The following TSHR variants were observed in gnomAD, a reference collection of about 807,000 sequenced individuals.
The protein encoded by TSHR is thyrotropin receptor.
TSHR carries 51 observed loss-of-function variants against 64.1 expected under a neutral mutation model. The ratio of observed to expected loss-of-function variants is 0.80; its 90% CI spans 0.64 to 1.01. The LOEUF is 1.01. Among genes scored for constraint, TSHR ranks in the 50% least tolerant of loss-of-function variants. TSHR has a pLI of 0.00. For missense variants in TSHR, 877 were observed against 942.8 expected, an observed-to-expected ratio of 0.93 and a Z score of 0.91; for synonymous variants, 361 against 361.9, an observed-to-expected ratio of 1.00 and a Z score of 0.03.
intron 8 of TSHR, among the ~76,000 whole-genome samples, chr14:81,134,376 T>TCCACC (rs1566831105): frequency 6.6e-6 from 1 of 152,088 alleles, no homozygotes; most frequent in South Asian, 2.1e-4. Flanking sequence ...CCTCAGGTGA[T>TCCACC]CCACCCGCCT....
intron 1 of TSHR, chr14:81,052,141 T>A: frequency 6.6e-6 from 1 of 152,188 alleles, no homozygotes; most frequent in East Asian, 1.9e-4. Flanking sequence ...TCAAGGAGCT[T>A]TTCTCCTAGT....
intron 3 of TSHR, among the ~76,000 whole-genome samples, chr14:81,083,856 C>A (rs1477993285): frequency 6.6e-6 from 1 of 152,124 alleles, no homozygotes; most frequent in African/African-American, 2.4e-5. Flanking sequence ...GAAGGGGAAG[C>A]AAACAGGTTC....
intron 1 of TSHR, among the ~76,000 whole-genome samples, chr14:80,964,806 A>G (rs1255429760): frequency 6.6e-6 from 1 of 152,254 alleles, no homozygotes; most frequent in East Asian, 1.9e-4. Flanking sequence ...GACATATTTT[A>G]ACAATAAATG....
intron 1 of TSHR, among the ~76,000 whole-genome samples, chr14:80,965,318 T>A (rs1419774203): frequency 2.0e-5 from 3 of 152,236 alleles, no homozygotes; most frequent in Non-Finnish European, 4.4e-5. Flanking sequence ...TCATAGAGCC[T>A]CCAGTGGTAT....
intron 8 of TSHR, among the ~76,000 whole-genome samples, chr14:81,127,393 G>A (rs1891059437): frequency 6.6e-6 from 1 of 152,152 alleles, no homozygotes; most frequent in African/African-American, 2.4e-5. Flanking sequence ...AAGCAGCATT[G>A]AGCCTGACCC....
At chr14:81,051,553 T>C (rs1885433134) in intron 1 of TSHR, 1 of 152,158 alleles carries the variant, frequency 6.6e-6, no homozygotes, top group African/African-American at 2.4e-5. Context: ...TTTTTATTCC[T>C]TTGGGTGGCA....
At chr14:80,982,104 AC>A in intron 1 of TSHR, 1 of 552,156 alleles carries the variant, frequency 1.8e-6, no homozygotes. Flanking sequence ...TGTAGCCAAT[AC>A]CTGGGCCAAA....
intron 1 of TSHR, among the ~76,000 whole-genome samples, chr14:80,988,316 G>A (rs1888571168): frequency 6.6e-6 from 1 of 152,136 alleles, no homozygotes; most frequent in South Asian, 2.1e-4. Flanking sequence ...CTTGGCTTCT[G>A]GGGAAGCCTC....
At chr14:81,134,795 TAC>T (rs1891389337) in intron 8 of TSHR, among the ~76,000 whole-genome samples, 1 of 152,090 alleles carries the variant, frequency 6.6e-6, no homozygotes, top group African/African-American at 2.4e-5. Flanking sequence ...CCATAAACAA[TAC>T]AAGAAAATTT....
At chr14:80,981,397 A>G (rs1211003934) in intron 1 of TSHR, among the ~76,000 whole-genome samples, 8 of 152,134 alleles carry the variant, frequency 5.3e-5, no homozygotes, top group Non-Finnish European at 8.8e-5. Flanking sequence ...TGCCATTCAG[A>G]TCATGGGGAA....
At position 81,143,403 on chromosome 14, in the gene TSHR, C is replaced by T. The variant is rs1216365087; in HGVS notation, c.1345C>T (p.Pro449Ser). The T allele has an allele frequency of 6.2e-7, 1 of 1,614,150 alleles. No homozygotes were observed. Among genetic ancestry groups the T allele is most frequent in the Non-Finnish European group, 8.5e-7 (1 of 1,180,028 alleles). ...LLTSHYKLNV[P>S]RFLMCNLAFA... Reference sequence around the variant, plus strand: ...CACCAGCCACTACAAACTGAACGTCCCCCGCTTTCTCATGTGCAACCTGGC... The same window carrying T: ...CACCAGCCACTACAAACTGAACGTCTCCCGCTTTCTCATGTGCAACCTGGC... The change falls in exon 10 of 10, where the codon CCC becomes TCC. Residue 449 changes from proline to serine, a missense_variant. Pro to Ser is a moderately conservative substitution (Grantham distance 74). Transcript: ENST00000298171.
chr14:81,040,810 A>T (rs1884883440), intron 1 of TSHR, among the ~76,000 whole-genome samples: 1 of 152,156 alleles, frequency 6.6e-6, no homozygotes, highest in Non-Finnish European at 1.5e-5. Context: ...ACTTAAACAA[A>T]TTTACAGGAA....
chr14:81,091,677 C>G (rs1888748196), intron 5 of TSHR, among the ~76,000 whole-genome samples: 1 of 152,220 alleles, frequency 6.6e-6, no homozygotes, highest in African/African-American at 2.4e-5. Flanking sequence ...ATTTGCTCCT[C>G]TCAGCCACCT....
intron 8 of TSHR, among the ~76,000 whole-genome samples, chr14:81,118,495 A>T (rs1241535345): frequency 6.7e-6 from 1 of 148,982 alleles, no homozygotes; most frequent in Admixed American, 6.7e-5. Flanking sequence ...CTTCAAGGAG[A>T]ACTACAATCC....
At chr14:81,102,270 T>C (rs114197834) in intron 7 of TSHR, among the ~76,000 whole-genome samples, 7,448 of 152,114 alleles carry the variant, frequency 0.049, 397 homozygotes, top group African/African-American at 0.14. Flanking sequence ...TCACACCAGC[T>C]TTCTCCTCAG....
rs770677233 is a variant in TSHR at position 81,103,039 on chromosome 14, C to T, written c.615-5336C>T. ...CCTAGTCAATAGAAATTTATTCTTT[C>T]CTAGATTTAAGCACTTCAGTAAAAG... On this transcript the variant is annotated intron_variant, in intron 7 of 9. Transcript: ENST00000298171. This position sits in a 1 kb window ranked among gnomAD's most constrained non-coding sequence, Gnocchi z 4.1. 5 of 985,294 alleles carry T rather than the reference C, an allele frequency of 5.1e-6. No individual in the cohort carries two copies. Among genetic ancestry groups the T allele is most frequent in the Non-Finnish European group, 6.0e-6 (5 of 829,904 alleles). The allele number at this position is 985,294 out of a possible 1,614,324, so 61.0% of individuals were successfully genotyped here.
chr14:81,024,244 T>TG (rs1555372303), intron 1 of TSHR, among the ~76,000 whole-genome samples: 8 of 152,106 alleles, frequency 5.3e-5, no homozygotes, highest in South Asian at 2.1e-4. Flanking sequence ...CATGGTTTTT[T>TG]TTTGTTTGTT....
intron 8 of TSHR, among the ~76,000 whole-genome samples, chr14:81,119,632 G>A (rs1595145935): frequency 1.6e-5 from 2 of 121,662 alleles, no homozygotes; most frequent in Non-Finnish European, 3.3e-5. Flanking sequence ...AATTCCTCAG[G>A]GATCTAGAAC....
At chr14:81,019,424 T>C (rs1356340329) in intron 1 of TSHR, among the ~76,000 whole-genome samples, 1 of 150,288 alleles carries the variant, frequency 6.7e-6, no homozygotes. Context: ...GGCCAGAAAA[T>C]GTGGATATGT....
Sources: allele counts gnomAD v4.1 joint callset (sites outside exome capture counted in the v4.1 genomes callset), GRCh38; gene constraint gnomAD v4.1.1; non-coding constraint Gnocchi (gnomAD v3.1); transcripts MANE v1.5; gene names NCBI Gene and HGNC (gene_info 2026-07-23, HGNC 2026-07-21).